Variants in SVIL observed in about 807,000 individuals in gnomAD.
SVIL encodes the protein archvillin.
A neutral mutation model predicts 240.4 loss-of-function variants in SVIL; 101 were observed. That is an observed-to-expected ratio of 0.42 (90% confidence interval 0.36 to 0.50). SVIL has a LOEUF of 0.50. Ranked by LOEUF, SVIL falls within the 20% of genes least tolerant of loss-of-function variation. The pLI, the probability that SVIL is intolerant of heterozygous loss-of-function variation, is 0.01. For missense variants in SVIL, 2,512 were observed against 2,818.7 expected (o/e 0.89, Z 2.46); for synonymous variants, 999 against 1,100.0 (o/e 0.91, Z 1.82).
rs199842213 is a variant in SVIL, at chr10:29,523,607, G to A, written c.3007C>T (p.Arg1003Trp). 1.6e-4 allele frequency: 251 copies of A among 1,614,144 alleles called. 2 individuals are homozygous for A. The South Asian group carries it at 2.5e-3, about 16-fold the overall frequency. ...YAVPRRGSLE[R>W]ANPPITHLGD... is the part of the protein sequence containing the mutation. ...AGGTGGGTGATGGGAGGGTTCGCCC[G>A]TTCCAGGCTTCCTCTTCTGGGAACA... The change falls in exon 15 of 38, where the codon CGG (arginine) becomes TGG (tryptophan). Residue 1003 changes from arginine to tryptophan, a missense_variant. Physicochemically the swap from Arg to Trp is moderately radical, Grantham distance 101 (BLOSUM62 -3). Transcript: ENST00000355867.
At chr10:29,552,991 T>G (rs1370373434) in intron 5 of SVIL, among the ~76,000 whole-genome samples, 4 of 152,114 alleles carry the variant, frequency 2.6e-5, no homozygotes, top group Non-Finnish European at 5.9e-5. Context: ...AAGCGTGTAA[T>G]TACTTTTTAA....
rs141094989 is a variant in SVIL, at chr10:29,666,830, C to T, written c.-300-8762G>A. 3.1e-3 allele frequency among the ~76,000 whole-genome samples: 476 copies of T among 152,278 alleles called. 2 individuals carry two copies. The highest frequency in any genetic ancestry group is 0.011 in the African/African-American group (449 of 41,562). On this transcript the variant is annotated intron_variant, in intron 2 of 35. Coordinates refer to the SVIL transcript ENST00000375400. The stretch of plus-strand genomic sequence containing the variant: ...TTTCTCTTCAAGGAGGAAAATCACA[C>T]TGGGCATAATATGGTTTGGCTGTGT...
At position 29,523,483 on chromosome 10, in the gene SVIL, T is replaced by A; in HGVS notation, c.3131A>T (p.Glu1044Val). The A allele has an allele frequency of 3.7e-6, 6 of 1,610,484 alleles. No individual in the cohort carries two copies. Among genetic ancestry groups the A allele is most frequent in the Non-Finnish European group, 5.1e-6 (6 of 1,178,250 alleles). Reference protein sequence around the residue: ...RLPFEEKVEVENVMKRKFSLR... With the variant: ...RLPFEEKVEVVNVMKRKFSLR... The stretch of plus-strand genomic sequence containing the variant: ...TGAAAACTTCCTTTTCATAACATTC[T>A]CCACCTCCACCTTCTCTTCAAAGGG... Residue 1044 changes from glutamate to valine, a missense_variant, in exon 15 of 38, where the codon GAG (glutamate) becomes GTG (valine). Coordinates refer to ENST00000355867, the MANE Select transcript of SVIL (RefSeq NM_021738.3).
At chr10:29,732,181 C>T (rs1964661171) in intron 1 of SVIL, among the ~76,000 whole-genome samples, 1 of 151,214 alleles carries the variant, frequency 6.6e-6, no homozygotes, top group African/African-American at 2.4e-5. Flanking sequence ...GTAAAACCTA[C>T]ATAATGACAA....
chr10:29,514,549 A>T (rs11007635), intron 16 of SVIL, among the ~76,000 whole-genome samples: 41,413 of 152,082 alleles, frequency 0.27, 5,997 homozygotes, highest in Non-Finnish European at 0.33. Flanking sequence ...GCTAATTTTT[A>T]AAATTTTTAT....
chr10:29,520,019 C>T (rs560624895), intron 16 of SVIL, among the ~76,000 whole-genome samples: 10 of 152,296 alleles, frequency 6.6e-5, no homozygotes, highest in Non-Finnish European at 1.0e-4. Flanking sequence ...AGGATTAAAG[C>T]TTTCAGAAAA....
In SVIL at chr10:29,489,640, C is replaced by T. The variant is rs189051953; in HGVS notation, c.4193-884G>A. Among the ~76,000 whole-genome samples the T allele has an allele frequency of 4.9e-3, 738 of 152,164 alleles. 5 individuals are homozygous for T. The highest frequency in any genetic ancestry group is 0.027 in the Middle Eastern group (8 of 294). On this transcript the variant is annotated intron_variant, in intron 22 of 37. Transcript: ENST00000355867. Reference sequence around the variant, plus strand: ...ATGGCTCACTGCAGCCTTGACCTCCCGGGGTTTAGTGATCCTCCCACCTCA... The same window carrying T: ...ATGGCTCACTGCAGCCTTGACCTCCTGGGGTTTAGTGATCCTCCCACCTCA...
chr10:29,468,786 G>A (rs1191023213), intron 32 of SVIL: 2 of 152,170 alleles, frequency 1.3e-5, no homozygotes, highest in African/African-American at 4.8e-5. Flanking sequence ...CTCTAAGTGT[G>A]TGTGGTGGAG....
chr10:29,646,704 CAA>C (rs1288466829), intron 3 of SVIL, among the ~76,000 whole-genome samples: 2 of 152,144 alleles, frequency 1.3e-5, no homozygotes, highest in African/African-American at 4.8e-5. Flanking sequence ...CACTGCCTGA[CAA>C]AGAGCAAAGT....
rs1951409033 is a variant in SVIL at position 29,532,057 on chromosome 10, A to T, written c.1954T>A (p.Ser652Thr). The T allele has an allele frequency of 6.2e-7, 1 of 1,614,010 alleles. No homozygotes were observed. The highest frequency in any genetic ancestry group is 1.3e-5 in the African/African-American group (1 of 74,916). Reference sequence around the variant, plus strand: ...ATAGGTTGGGTTCTAAATCTCTCGGAAGTTTTTCTACTTTCACCAGGAGAA... The same window carrying T: ...ATAGGTTGGGTTCTAAATCTCTCGGTAGTTTTTCTACTTTCACCAGGAGAA... ...YFSPGESRKT[S>T]ERFRTQPITS... The change falls in exon 9 of 38, where the codon TCC becomes ACC. Residue 652 changes from serine (S) to threonine (T), a missense_variant. Coordinates refer to ENST00000355867, the MANE Select transcript of SVIL (RefSeq NM_021738.3).
At chr10:29,642,694 T>A (rs777731171) in intron 3 of SVIL, among the ~76,000 whole-genome samples, 3 of 152,016 alleles carry the variant, frequency 2.0e-5, no homozygotes, top group Non-Finnish European at 4.4e-5. Flanking sequence ...CTCTCTCTCT[T>A]TTTTTTGGAG....
At chr10:29,549,770 A>T (rs12572382) in intron 6 of SVIL, among the ~76,000 whole-genome samples, 1 of 136,218 alleles carries the variant, frequency 7.3e-6, no homozygotes, top group Non-Finnish European at 1.6e-5. Context: ...ACTATCGCAA[A>T]AACAAAAAAC....
chr10:29,523,516 T>C lies in SVIL; in HGVS notation c.3098A>G (p.Asp1033Gly). 6.2e-7 allele frequency: 1 copy of C among 1,614,124 alleles called. No homozygotes were observed. The highest frequency in any genetic ancestry group is 1.1e-5 in the South Asian group (1 of 91,050). The change falls in exon 15 of 38, where the codon GAC (aspartate) becomes GGC (glycine). Residue 1033 changes from aspartate (D) to glycine (G), a missense_variant. By Grantham distance (94) the Asp-to-Gly change is moderately conservative. This residue lies in a region of SVIL where 1,443 missense variants were observed against 1,486.6 expected (regional missense o/e 0.97). Coordinates refer to ENST00000355867, the MANE Select transcript of SVIL (RefSeq NM_021738.3). ...MNAQGNLDLR[D>G]RLPFEEKVEV... ...CACCTTCTCTTCAAAGGGCAGCCTGTCCCTCAAGTCCAAGTTTCCTTGTGC... is the reference window on the plus strand; with the variant it reads ...CACCTTCTCTTCAAAGGGCAGCCTGCCCCTCAAGTCCAAGTTTCCTTGTGC...
rs773668108 is a variant in SVIL, at chr10:29,550,617, T to C, written c.807A>G (p.Leu269=). The C allele has an allele frequency of 6.2e-6, 10 of 1,612,154 alleles. No individual in the cohort carries two copies. The highest frequency in any genetic ancestry group is 6.8e-6 in the Non-Finnish European group (8 of 1,179,174). The part of the protein sequence containing the change: ...SRSPSFGDPQ[L]SPEARPSTGK... ...CTTACCTGGGTCGGGCCTCAGGGGA[T>C]AGCTGTGGGTCACCAAAGGAGGGGC... The change falls in exon 6 of 38, where the codon CTA becomes CTG. Residue 269 remains leucine (L), a synonymous_variant. Transcript: ENST00000355867.
chr10:29,726,258 C>T (rs999317554), intron 1 of SVIL, among the ~76,000 whole-genome samples: 5 of 152,138 alleles, frequency 3.3e-5, no homozygotes, highest in Non-Finnish European at 5.9e-5. Flanking sequence ...GCTCTCCAGG[C>T]TTCCTATTCC....
chr10:29,458,073 A>T lies in SVIL; in HGVS notation c.*174T>A, dbSNP rs1300235909. The stretch of plus-strand genomic sequence containing the variant: ...AGAAGTTTCCAAACAGTTCCCTTGA[A>T]CATTTACAAAATACACAACTCCGGG... On this transcript the variant is annotated 3_prime_UTR_variant, in exon 38 of 38. Transcript: ENST00000355867. The T allele has an allele frequency of 3.1e-6, 2 of 640,076 alleles. No individual in the cohort carries two copies. Among genetic ancestry groups the T allele is most frequent in the Non-Finnish European group, 5.2e-6 (2 of 382,048 alleles). 39.6% of individuals were successfully genotyped at this position (640,076 alleles called of 1,614,324 possible).
chr10:29,568,205 G>A (rs1011809616), intron 2 of SVIL, among the ~76,000 whole-genome samples: 19 of 151,316 alleles, frequency 1.3e-4, no homozygotes, highest in African/African-American at 4.4e-4. Context: ...TAGATGTGCC[G>A]CTTGATGATA....
intron 5 of SVIL, among the ~76,000 whole-genome samples, chr10:29,553,612 T>A (rs1250713844): frequency 1.3e-5 from 2 of 151,690 alleles, no homozygotes; most frequent in Non-Finnish European, 1.5e-5. Context: ...ATAAAAAAAA[T>A]AAAAAGCAGC....
At chr10:29,502,607 G>A (rs1483801803) in intron 17 of SVIL, among the ~76,000 whole-genome samples, 1 of 152,170 alleles carries the variant, frequency 6.6e-6, no homozygotes, top group Admixed American at 6.6e-5. Context: ...TCCCACGAAT[G>A]TGGTGGGGAA....
Sources: gnomAD v4.1 joint callset for allele counts (sites outside exome capture counted in the v4.1 genomes callset) on GRCh38, gnomAD v4.1.1 for gene constraint, gnomAD v4.1.1 regional missense constraint, MANE v1.5 for transcripts, NCBI Gene and HGNC (gene_info 2026-07-23, HGNC 2026-07-21) for gene names.